Variants in SMIM36 observed in about 807,000 individuals in gnomAD.
SMIM36 encodes small integral membrane protein 36.
intron 3 of SMIM36, among the ~76,000 whole-genome samples, chr17:55,472,699 C>T (rs1341687100): frequency 6.6e-6 from 1 of 151,910 alleles, no homozygotes; most frequent in Non-Finnish European, 1.5e-5. Context: ...GGTGAAACCC[C>T]GAATCTACTA....
intron 1 of SMIM36, among the ~76,000 whole-genome samples, chr17:55,507,605 C>T (rs1384953108): frequency 2.3e-5 from 3 of 131,756 alleles, no homozygotes; most frequent in Non-Finnish European, 4.8e-5. Flanking sequence ...GGAGGGATAG[C>T]ATTGGGAGAT....
intron 1 of SMIM36, among the ~76,000 whole-genome samples, chr17:55,492,623 C>A (rs1036901644): frequency 7.4e-6 from 1 of 136,004 alleles, no homozygotes; most frequent in Non-Finnish European, 1.5e-5. Context: ...ACAAATACAC[C>A]CACTTAAAAA....
chr17:55,495,291 A>T (rs1369918765), intron 1 of SMIM36, among the ~76,000 whole-genome samples: 1 of 152,238 alleles, frequency 6.6e-6, no homozygotes, highest in African/African-American at 2.4e-5. Context: ...TAGGTAAATC[A>T]TTCACAAACT....
At chr17:55,517,049 A>G in the SMIM36 span, among the ~76,000 whole-genome samples, 1 of 152,220 alleles carries the variant, frequency 6.6e-6, no homozygotes, top group African/African-American at 2.4e-5. Flanking sequence ...ATTACATAGT[A>G]TATTCTTGGA....
intron 4 of SMIM36, among the ~76,000 whole-genome samples, chr17:55,460,455 A>AAAAAAAAC (rs1567862737): frequency 2.0e-5 from 3 of 148,804 alleles, no homozygotes; most frequent in African/African-American, 7.6e-5. Context: ...AACAAAACAA[A>AAAAAAAAC]AAAAAAGAAC....
the SMIM36 span, chr17:55,527,023 C>A: frequency 1.3e-5 from 2 of 152,084 alleles, no homozygotes; most frequent in South Asian, 2.1e-4. Context: ...GAAGAAGATA[C>A]CCTCCCAGTT....
intron 3 of SMIM36, among the ~76,000 whole-genome samples, chr17:55,470,446 T>C (rs1909323871): frequency 6.6e-6 from 1 of 152,110 alleles, no homozygotes; most frequent in Admixed American, 6.5e-5. Context: ...TTACCTTCTT[T>C]TCAAGGGCCT....
chr17:55,496,277 C>T (rs1259754873), intron 1 of SMIM36, among the ~76,000 whole-genome samples: 1 of 152,116 alleles, frequency 6.6e-6, no homozygotes, highest in Non-Finnish European at 1.5e-5. Flanking sequence ...GTATTGTACG[C>T]CTGTCAACTT....
Position 55,479,282 on chromosome 17 carries a change from T to C in SMIM36, c.*295+178A>G, listed in dbSNP as rs77814404. 3.5e-3 allele frequency among the ~76,000 whole-genome samples: 535 copies of C among 152,320 alleles called. 3 individuals carry two copies. Among genetic ancestry groups the C allele is most frequent in the African/African-American group, 0.012 (513 of 41,570 alleles). ...TCAGGATTCTTGTAACATCTGAATATGTATTTAAATCTGGTTGTGCAGCCC... is the reference window on the plus strand; with the variant it reads ...TCAGGATTCTTGTAACATCTGAATACGTATTTAAATCTGGTTGTGCAGCCC... On this transcript the variant is annotated intron_variant, in intron 2 of 4. Transcript: ENST00000636752.
At chr17:55,502,520 G>C (rs1910012540) in intron 1 of SMIM36, among the ~76,000 whole-genome samples, 3 of 108,368 alleles carry the variant, frequency 2.8e-5, no homozygotes, top group African/African-American at 1.3e-4. Flanking sequence ...GGTCCTGTCT[G>C]TTAGAAGGAA....
intron 4 of SMIM36, among the ~76,000 whole-genome samples, chr17:55,463,056 G>A (rs1385434787): frequency 6.6e-6 from 1 of 152,014 alleles, no homozygotes; most frequent in Non-Finnish European, 1.5e-5. Flanking sequence ...TTTCTAATTG[G>A]AGTTCCACAT....
At chr17:55,454,787 A>C (rs947721846) in intron 4 of SMIM36, among the ~76,000 whole-genome samples, 1 of 152,214 alleles carries the variant, frequency 6.6e-6, no homozygotes, top group African/African-American at 2.4e-5. Flanking sequence ...ACAGAAGGTA[A>C]AATAATCAAA....
intron 1 of SMIM36, among the ~76,000 whole-genome samples, chr17:55,501,555 A>G (rs1909981342): frequency 8.2e-6 from 1 of 122,536 alleles, no homozygotes; most frequent in Non-Finnish European, 1.6e-5. Flanking sequence ...TATTATATAT[A>G]TCATTATATA....
the SMIM36 span, among the ~76,000 whole-genome samples, chr17:55,530,259 G>A: frequency 2.3e-4 from 35 of 152,296 alleles, no homozygotes; most frequent in South Asian, 7.0e-3. Flanking sequence ...GTAGGAGAGA[G>A]GAGGATTACA....
At chr17:55,466,654 C>T (rs1909244178) in intron 4 of SMIM36, among the ~76,000 whole-genome samples, 1 of 152,080 alleles carries the variant, frequency 6.6e-6, no homozygotes, top group African/African-American at 2.4e-5. Flanking sequence ...GGTGATGATC[C>T]ACAACGTTCC....
chr17:55,515,084 GTGTT>G (rs1225222192), upstream of SMIM36, among the ~76,000 whole-genome samples: 3,051 of 55,888 alleles, frequency 0.055, 355 homozygotes, highest in East Asian at 0.18. Context: ...TTCTAGTCTA[GTGTT>G]TTTTTTTTTT....
At chr17:55,525,382 C>T in the SMIM36 span, among the ~76,000 whole-genome samples, 1 of 152,254 alleles carries the variant, frequency 6.6e-6, no homozygotes, top group South Asian at 2.1e-4. Context: ...TACCTAAAAT[C>T]CATCTTTAAT....
chr17:55,473,809 T>A (rs1471484910), intron 3 of SMIM36, among the ~76,000 whole-genome samples: 1 of 152,070 alleles, frequency 6.6e-6, no homozygotes, highest in Non-Finnish European at 1.5e-5. Flanking sequence ...AGACCACCCC[T>A]CATATTGTCT....
chr17:55,532,130 T>C, the SMIM36 span, among the ~76,000 whole-genome samples: 1 of 152,282 alleles, frequency 6.6e-6, no homozygotes, highest in African/African-American at 2.4e-5. Flanking sequence ...TCATTTCTGC[T>C]GTTAACTTTC....
Sources: gnomAD v4.1 joint callset for allele counts (sites outside exome capture counted in the v4.1 genomes callset) on GRCh38, gnomAD v4.1.1 for gene constraint, MANE v1.5 for transcripts, NCBI Gene and HGNC (gene_info 2026-07-23, HGNC 2026-07-21) for gene names.